Variants in CLIC4 observed in about 807,000 individuals in gnomAD.
CLIC4 encodes CLIC family member 4.
In CLIC4, 13 loss-of-function variants were observed where a neutral mutation model predicts 24.6. That is an observed-to-expected ratio of 0.53 (90% CI 0.34 to 0.84). The LOEUF is 0.84. Ranked by LOEUF, CLIC4 falls within the 40% of genes least tolerant of loss-of-function variation. The pLI, the probability that CLIC4 is intolerant of heterozygous loss-of-function variation, is 0.01. For synonymous variants in CLIC4, 104 were observed against 111.3 expected, an observed-to-expected ratio of 0.93 and a Z score of 0.41; for missense variants, 227 against 301.7, an observed-to-expected ratio of 0.75 and a Z score of 1.83.
intron 1 of CLIC4, among the ~76,000 whole-genome samples, chr1:24,790,111 G>A (rs995412079): frequency 1.2e-4 from 18 of 152,000 alleles, no homozygotes; most frequent in East Asian, 7.7e-4. Flanking sequence ...CTGCTCTGTC[G>A]CCCAGGCTGG....
At chr1:24,798,900 G>C (rs1168737762) in intron 2 of CLIC4, among the ~76,000 whole-genome samples, 1 of 152,264 alleles carries the variant, frequency 6.6e-6, no homozygotes, top group Non-Finnish European at 1.5e-5. Flanking sequence ...GCCAGCCTCG[G>C]CCTCCCGAGG....
intron 3 of CLIC4, among the ~76,000 whole-genome samples, chr1:24,820,267 CTTTTTTTTT>C (rs372726009): frequency 8.0e-5 from 4 of 49,772 alleles, no homozygotes; most frequent in Non-Finnish European, 1.3e-4. Context: ...CCTTTTTGGT[CTTTTTTTTT>C]TTTTTTTTTT....
At chr1:24,811,081 GAA>G (rs11365488) in intron 2 of CLIC4, among the ~76,000 whole-genome samples, 207 of 144,060 alleles carry the variant, frequency 1.4e-3, no homozygotes, top group Admixed American at 2.5e-3. Flanking sequence ...TCTGTCTCAG[GAA>G]AAAAAAAAAA....
chr1:24,835,464 G>C (rs1423245514), intron 4 of CLIC4, among the ~76,000 whole-genome samples: 3 of 152,216 alleles, frequency 2.0e-5, no homozygotes, highest in Non-Finnish European at 4.4e-5. Context: ...TCGGGAGGCT[G>C]AGGCAGGAGA....
chr1:24,790,174 C>T (rs986115865), intron 1 of CLIC4, among the ~76,000 whole-genome samples: 4 of 152,252 alleles, frequency 2.6e-5, no homozygotes, highest in Non-Finnish European at 5.9e-5. Flanking sequence ...CAGGTTCAAG[C>T]AATTCTCCTG....
At chr1:24,796,343 C>T (rs952242422) in intron 1 of CLIC4, among the ~76,000 whole-genome samples, 2 of 152,090 alleles carry the variant, frequency 1.3e-5, no homozygotes, top group Non-Finnish European at 2.9e-5. Context: ...CGCGTACCAC[C>T]ACGTCCAGCT....
At chr1:24,829,699 G>A (rs1571265499) in intron 4 of CLIC4, among the ~76,000 whole-genome samples, 1 of 152,146 alleles carries the variant, frequency 6.6e-6, no homozygotes, top group African/African-American at 2.4e-5. Context: ...CATATTTCAT[G>A]ATGTCCAAAT....
chr1:24,752,603 A>G (rs558025592), intron 1 of CLIC4, among the ~76,000 whole-genome samples: 1 of 152,228 alleles, frequency 6.6e-6, no homozygotes, highest in African/African-American at 2.4e-5. Context: ...ACTTAATCAC[A>G]TAGCTTCATC....
rs1639932775 is a variant in CLIC4, at chr1:24,840,665, A to G, written c.598-108A>G. 6.7e-6 allele frequency: 6 copies of G among 898,960 alleles called. No individual in the cohort carries two copies. The South Asian group carries it at 1.2e-4, about 18-fold the overall frequency. The allele number at this position is 898,960 out of a possible 1,614,324, so 55.7% of individuals were successfully genotyped here. A position where few individuals can be genotyped will look rare whatever the true frequency, so the allele number is the denominator to read the frequency against. ...GATGGACTTTTTTTCATATAGAAGCAGTTCTCAAAGATTTAGAGCATTAAT... is the reference window on the plus strand; with the variant it reads ...GATGGACTTTTTTTCATATAGAAGCGGTTCTCAAAGATTTAGAGCATTAAT... On this transcript the variant is annotated intron_variant, in intron 5 of 5. Transcript: ENST00000374379.
rs528294457 is a variant in CLIC4 at position 24,822,988 on chromosome 1, A to C, written c.309-4022A>C. 1.3e-3 allele frequency among the ~76,000 whole-genome samples: 193 copies of C among 152,242 alleles called. 1 individual carries two copies. The highest frequency in any genetic ancestry group is 3.8e-3 in the African/African-American group (159 of 41,556). ...CAGGTCTTTATTGCTAGTCTTCTTC[A>C]GGCTCTGCTTGTAAGACTGTTTCTA... On this transcript the variant is annotated intron_variant, in intron 3 of 5. Transcript: ENST00000374379.
intron 4 of CLIC4, among the ~76,000 whole-genome samples, chr1:24,835,291 G>A (rs1639875518): frequency 6.6e-6 from 1 of 152,164 alleles, no homozygotes; most frequent in Non-Finnish European, 1.5e-5. Flanking sequence ...GGTCAGGTGC[G>A]GTGGCTCACG....
chr1:24,817,284 A>T (rs1251670773), intron 3 of CLIC4, among the ~76,000 whole-genome samples: 1 of 152,230 alleles, frequency 6.6e-6, no homozygotes, highest in Non-Finnish European at 1.5e-5. Flanking sequence ...TTCTAGATAG[A>T]TCAGCTAGAT....
chr1:24,813,757 C>T (rs1487402432), intron 2 of CLIC4, among the ~76,000 whole-genome samples: 3 of 151,976 alleles, frequency 2.0e-5, no homozygotes, highest in African/African-American at 7.3e-5. Flanking sequence ...GTCTCTCTGT[C>T]GCCCAGGCTG....
At chr1:24,779,765 G>A (rs1453911401) in intron 1 of CLIC4, among the ~76,000 whole-genome samples, 1 of 151,974 alleles carries the variant, frequency 6.6e-6, no homozygotes, top group Admixed American at 6.6e-5. Context: ...AACCATCCAC[G>A]CGTCTTTAGG....
At chr1:24,810,714 A>C (rs983054003) in intron 2 of CLIC4, among the ~76,000 whole-genome samples, 3 of 151,886 alleles carry the variant, frequency 2.0e-5, no homozygotes, top group African/African-American at 7.3e-5. Flanking sequence ...TCAAGGCTGC[A>C]GGGAACCATG....
chr1:24,779,360 C>T (rs1051563915), intron 1 of CLIC4, among the ~76,000 whole-genome samples: 3 of 152,092 alleles, frequency 2.0e-5, no homozygotes, highest in Non-Finnish European at 4.4e-5. Context: ...GTCCCAGCTA[C>T]TTGGGAAGCT....
intron 2 of CLIC4, among the ~76,000 whole-genome samples, chr1:24,802,767 T>G (rs1207478234): frequency 6.6e-6 from 1 of 151,496 alleles, no homozygotes; most frequent in Non-Finnish European, 1.5e-5. Context: ...TGGAGTGCAG[T>G]GGCACGATCA....
intron 2 of CLIC4, among the ~76,000 whole-genome samples, chr1:24,800,408 C>T (rs1253557978): frequency 1.3e-5 from 2 of 149,726 alleles, no homozygotes; most frequent in Middle Eastern, 3.2e-3. Flanking sequence ...GGTCAGCCCC[C>T]AGCCTGGCCA....
chr1:24,750,726 C>T (rs944024995), intron 1 of CLIC4, among the ~76,000 whole-genome samples: 1 of 152,046 alleles, frequency 6.6e-6, no homozygotes, highest in Non-Finnish European at 1.5e-5. Context: ...GGATACATCA[C>T]TTAAACCTGT....
Sources: gnomAD v4.1 joint callset for allele counts (sites outside exome capture counted in the v4.1 genomes callset) on GRCh38, gnomAD v4.1.1 for gene constraint, MANE v1.5 for transcripts, NCBI Gene and HGNC (gene_info 2026-07-23, HGNC 2026-07-21) for gene names.